ZFP1: variants seen among roughly 807,000 people sequenced by gnomAD.
ZFP1 encodes ZFP1 zinc finger protein.
ZFP1 carries 32 observed loss-of-function variants against 38.5 expected under a neutral mutation model. The ratio of observed to expected loss-of-function variants is 0.83; its 90% CI spans 0.63 to 1.12. ZFP1 has a LOEUF of 1.12. ZFP1 is among the 50% of genes most tolerant of loss of function. The probability of loss-of-function intolerance (pLI) is 0.00; values close to 1 mark genes in which losing one functional copy is unlikely to be tolerated. For synonymous variants in ZFP1, 245 were observed against 168.8 expected (o/e 1.45, Z -3.50); for missense variants, 616 against 480.8 (o/e 1.28, Z -2.63).
chr16:75,143,553 T>C (rs2036908440), upstream of ZFP1, among the ~76,000 whole-genome samples: 1 of 151,984 alleles, frequency 6.6e-6, no homozygotes, highest in Non-Finnish European at 1.5e-5. Context: ...GCCCTGTTAA[T>C]TTTTTATGTG....
chr16:75,138,329 A>G, the ZFP1 span, among the ~76,000 whole-genome samples: 1 of 152,046 alleles, frequency 6.6e-6, no homozygotes, highest in African/African-American at 2.4e-5. Flanking sequence ...GCCACCGCGC[A>G]CAGCCAACTT....
the ZFP1 span, among the ~76,000 whole-genome samples, chr16:75,119,771 C>A: frequency 6.6e-6 from 1 of 151,956 alleles, no homozygotes; most frequent in Non-Finnish European, 1.5e-5. Context: ...TGGGTTTGAT[C>A]AACTCTATCT....
chr16:75,133,864 C>T, the ZFP1 span, among the ~76,000 whole-genome samples: 67 of 152,202 alleles, frequency 4.4e-4, no homozygotes, highest in African/African-American at 1.5e-3. Context: ...GCCTGGCCAA[C>T]ATGGTGAAAC....
chr16:75,119,259 G>A, the ZFP1 span, among the ~76,000 whole-genome samples: 3 of 152,176 alleles, frequency 2.0e-5, no homozygotes, highest in Non-Finnish European at 4.4e-5. Flanking sequence ...AAAGCTATCA[G>A]TGCTTGGTAC....
intron 2 of ZFP1, among the ~76,000 whole-genome samples, chr16:75,159,966 A>G (rs532830762): frequency 3.3e-4 from 50 of 152,026 alleles, no homozygotes; most frequent in Non-Finnish European, 5.0e-4. Context: ...CAGTATCTCT[A>G]TCTTTCTGGA....
intron 2 of ZFP1, among the ~76,000 whole-genome samples, chr16:75,166,308 C>G (rs1157335018): frequency 6.6e-6 from 1 of 152,200 alleles, no homozygotes; most frequent in South Asian, 2.1e-4. Flanking sequence ...TCTTGGCTCA[C>G]TGCAGCCTCT....
intron 2 of ZFP1, among the ~76,000 whole-genome samples, chr16:75,154,146 G>A (rs1331397882): frequency 6.6e-6 from 1 of 152,018 alleles, no homozygotes. Flanking sequence ...ATGGCGTGAA[G>A]CCAGGAGGCG....
the ZFP1 span, among the ~76,000 whole-genome samples, chr16:75,133,830 C>G: frequency 6.6e-6 from 1 of 152,314 alleles, no homozygotes; most frequent in Admixed American, 6.5e-5. Context: ...GGGTGGATCA[C>G]TTGAGGCCAG....
the ZFP1 span, among the ~76,000 whole-genome samples, chr16:75,124,786 C>CAAA: frequency 0.14 from 9,655 of 66,798 alleles, 666 homozygotes; most frequent in Admixed American, 0.19. Context: ...GACTCCATCT[C>CAAA]AAAAAAAAAA....
At chr16:75,147,004 A>G (rs1279381715), upstream of ZFP1, among the ~76,000 whole-genome samples, 2 of 151,432 alleles carry the variant, frequency 1.3e-5, no homozygotes, top group Non-Finnish European at 2.9e-5. Context: ...ACTTAAATGT[A>G]TATTACTAAA....
chr16:75,166,454 G>A (rs921660799), intron 2 of ZFP1: 7 of 724,292 alleles, frequency 9.7e-6, no homozygotes, highest in Admixed American at 6.3e-5. Flanking sequence ...TCGAACTCCC[G>A]ACCTCAAGTG....
intron 3 of ZFP1, among the ~76,000 whole-genome samples, chr16:75,167,713 C>T (rs1030562976): frequency 1.3e-5 from 2 of 152,142 alleles, no homozygotes; most frequent in African/African-American, 2.4e-5. Flanking sequence ...AGTCTTCCCA[C>T]CTCAGCCTGG....
At chr16:75,146,248 C>T (rs1006079610), upstream of ZFP1, among the ~76,000 whole-genome samples, 7 of 151,982 alleles carry the variant, frequency 4.6e-5, no homozygotes, top group African/African-American at 1.4e-4. Context: ...CTGCAAGCTC[C>T]GCCTCCCAGG....
At chr16:75,145,489 G>A (rs1231463389), upstream of ZFP1, among the ~76,000 whole-genome samples, 4 of 152,240 alleles carry the variant, frequency 2.6e-5, no homozygotes, top group South Asian at 2.1e-4. Context: ...ACGCCTGTAC[G>A]TTGCCTTTTC....
At chr16:75,145,010 A>G (rs1314626153), upstream of ZFP1, among the ~76,000 whole-genome samples, 1 of 152,144 alleles carries the variant, frequency 6.6e-6, no homozygotes. Flanking sequence ...TATTTCACTT[A>G]GTGTATTTTC....
At chr16:75,161,226 G>A (rs148629666) in intron 2 of ZFP1, among the ~76,000 whole-genome samples, 4,045 of 151,946 alleles carry the variant, frequency 0.027, 94 homozygotes, top group Middle Eastern at 0.11. Flanking sequence ...GCGCCACCAC[G>A]CCTGGCTAAT....
At chr16:75,135,371 A>C in the ZFP1 span, among the ~76,000 whole-genome samples, 1 of 152,274 alleles carries the variant, frequency 6.6e-6, no homozygotes, top group East Asian at 1.9e-4. Context: ...CCTTAAATGC[A>C]TATTGCTAAG....
chr16:75,149,916 C>G (rs572168006), intron 1 of ZFP1, among the ~76,000 whole-genome samples: 1 of 151,630 alleles, frequency 6.6e-6, no homozygotes, highest in Admixed American at 6.6e-5. Flanking sequence ...GTCCTCCTGG[C>G]TGGGATTACA....
At position 75,169,622 on chromosome 16, in the gene ZFP1, T is replaced by G. The variant is rs2038311108; in HGVS notation, c.512T>G (p.Ile171Ser). The G allele has an allele frequency of 6.3e-7, 1 of 1,592,460 alleles. No homozygotes were observed. Among genetic ancestry groups the G allele is most frequent in the African/African-American group, 1.4e-5 (1 of 73,278 alleles). Reference protein sequence around the residue: ...SGKALSHKAAIFKHQKIKNLV... With the variant: ...SGKALSHKAASFKHQKIKNLV... Reference sequence around the variant, plus strand: ...AAAGCCCTCAGCCATAAAGCAGCCATTTTTAAACATCAGAAAATAAAAAAC... The same window carrying G: ...AAAGCCCTCAGCCATAAAGCAGCCAGTTTTAAACATCAGAAAATAAAAAAC... Residue 171 changes from isoleucine to serine, a missense_variant, in exon 4 of 4, where the codon ATT becomes AGT. Physicochemically the swap from Ile to Ser is moderately radical, Grantham distance 142. Coordinates refer to ENST00000570010, the MANE Select transcript of ZFP1 (RefSeq NM_153688.4).
Sources: allele counts gnomAD v4.1 joint callset (sites outside exome capture counted in the v4.1 genomes callset), GRCh38; gene constraint gnomAD v4.1.1; transcripts MANE v1.5; gene names NCBI Gene and HGNC (gene_info 2026-07-23, HGNC 2026-07-21).